The following TMPRSS11A variants were observed in gnomAD, a reference collection of about 807,000 sequenced individuals.
TMPRSS11A encodes the protein transmembrane protease serine 11A.
A neutral mutation model predicts 58.9 loss-of-function variants in TMPRSS11A; 53 were observed. The observed-to-expected ratio is 0.90, with a 90% CI of 0.72 to 1.13. The LOEUF (loss-of-function observed/expected upper bound fraction) is 1.13. Ranked by LOEUF, TMPRSS11A falls within the 50% of genes most tolerant of loss-of-function variation. The pLI, the probability that TMPRSS11A is intolerant of heterozygous loss-of-function variation, is 0.00. For synonymous variants in TMPRSS11A, 167 were observed against 169.8 expected, an observed-to-expected ratio of 0.98 and a Z score of 0.13; for missense variants, 493 against 499.3, an observed-to-expected ratio of 0.99 and a Z score of 0.12.
chr4:67,928,454 G>C (rs571206686), intron 5 of TMPRSS11A, among the ~76,000 whole-genome samples: 1 of 152,300 alleles, frequency 6.6e-6, no homozygotes, highest in East Asian at 1.9e-4. Context: ...AAAACAAAAA[G>C]ACCAGGCAGC....
chr4:67,944,289 G>T (rs889767741), intron 3 of TMPRSS11A, among the ~76,000 whole-genome samples: 1 of 151,976 alleles, frequency 6.6e-6, no homozygotes, highest in Non-Finnish European at 1.5e-5. Context: ...AGAAAGAGAG[G>T]CTTATTAGAA....
chr4:67,946,399 G>T, intron 2 of TMPRSS11A, 51 bp downstream of exon 2: 5 of 1,538,278 alleles, frequency 3.3e-6, no homozygotes, highest in Non-Finnish European at 4.4e-6. Flanking sequence ...TGTAAATGGA[G>T]CTTTGCAGAA....
rs751149459 is a variant in TMPRSS11A, at chr4:67,919,218, T to C, written c.707A>G (p.His236Arg). Reference protein sequence around the residue: ...AHCFQKYKNPHQWTVSFGTKI... With the variant: ...AHCFQKYKNPRQWTVSFGTKI... The stretch of plus-strand genomic sequence containing the variant: ...TGTTCCAAAACTAACAGTCCATTGA[T>C]GTGGATTTTTATACCTGGAAAAGGT... Residue 236 changes from histidine to arginine, a missense_variant, in exon 8 of 10, where the codon CAT becomes CGT. Physicochemically the swap from His to Arg is conservative, Grantham distance 29. Coordinates refer to ENST00000508048, the MANE Select transcript of TMPRSS11A (RefSeq NM_001114387.2). 2 of 1,613,784 alleles carry C rather than the reference T, an allele frequency of 1.2e-6. No homozygotes were observed. Among genetic ancestry groups the C allele is most frequent in the East Asian group, 2.2e-5 (1 of 44,892 alleles).
At chr4:67,945,458 G>A (rs1720980188) in intron 2 of TMPRSS11A, among the ~76,000 whole-genome samples, 1 of 152,190 alleles carries the variant, frequency 6.6e-6, no homozygotes, top group Admixed American at 6.5e-5. Context: ...TCTGGACCTT[G>A]TAATACATTT....
At chr4:67,946,983 T>A (rs767787794) in intron 1 of TMPRSS11A, among the ~76,000 whole-genome samples, 54 of 152,188 alleles carry the variant, frequency 3.5e-4, no homozygotes, top group Non-Finnish European at 7.2e-4. Context: ...TCTTTTATTT[T>A]TAAGTATTAT....
At chr4:67,946,418 T>C in intron 2 of TMPRSS11A, 32 bp downstream of exon 2, 1 of 1,555,954 alleles carries the variant, frequency 6.4e-7, no homozygotes, top group Non-Finnish European at 8.6e-7. Context: ...AAAAATAAAA[T>C]CAAATAGAGT....
At chr4:67,933,020 C>G (rs1224976993) in intron 3 of TMPRSS11A, among the ~76,000 whole-genome samples, 1 of 151,784 alleles carries the variant, frequency 6.6e-6, no homozygotes, top group Non-Finnish European at 1.5e-5. Context: ...TACTACAGTT[C>G]ATGTTGGACA....
At chr4:67,947,637 A>T (rs558885600) in intron 1 of TMPRSS11A, among the ~76,000 whole-genome samples, 2 of 152,322 alleles carry the variant, frequency 1.3e-5, no homozygotes, top group East Asian at 3.9e-4. Context: ...TTTATATTGC[A>T]TCACACCAGG....
rs1446914649 is a variant in TMPRSS11A, at chr4:67,922,879, C to T, written c.568G>A (p.Gly190Arg). Residue 190 changes from glycine to arginine, a missense_variant, in exon 7 of 10, where the codon GGA (glycine) becomes AGA (arginine). Coordinates refer to ENST00000508048, the MANE Select transcript of TMPRSS11A (RefSeq NM_001114387.2). ...CAGGCCGCCTTGGGTGCAATGACTC[C>T]AGATGCTATTCTGTTGACGTTTAAT... is the stretch of plus-strand genomic sequence containing the variant. ...VPLNVNRIAS[G>R]VIAPKAAWPW... 2 of 1,613,994 alleles carry T rather than the reference C, an allele frequency of 1.2e-6. No individual in the cohort carries two copies. Among genetic ancestry groups the T allele is most frequent in the African/African-American group, 2.7e-5 (2 of 74,892 alleles).
chr4:67,919,519 T>A (rs1321291237), intron 7 of TMPRSS11A, among the ~76,000 whole-genome samples: 5 of 152,188 alleles, frequency 3.3e-5, no homozygotes, highest in Non-Finnish European at 5.9e-5. Flanking sequence ...TTACTGAGCA[T>A]CTGTGTGCTG....
chr4:67,925,491 C>A (rs1043324858), intron 5 of TMPRSS11A, among the ~76,000 whole-genome samples: 1 of 152,186 alleles, frequency 6.6e-6, no homozygotes, highest in Non-Finnish European at 1.5e-5. Flanking sequence ...ATTCTACTAA[C>A]TTTCTACAAA....
chr4:67,937,406 C>T (rs1416610899), intron 3 of TMPRSS11A, among the ~76,000 whole-genome samples: 2 of 152,146 alleles, frequency 1.3e-5, no homozygotes, highest in Non-Finnish European at 2.9e-5. Context: ...CCTAATGTAT[C>T]TGTCAAGAAA....
At chr4:67,950,936 C>A (rs1259271257) in intron 1 of TMPRSS11A, among the ~76,000 whole-genome samples, 1 of 152,198 alleles carries the variant, frequency 6.6e-6, no homozygotes, top group Non-Finnish European at 1.5e-5. Context: ...CAAGAAAGAG[C>A]CCCTGGTGAG....
chr4:67,915,255 A>G (rs1184639332), intron 8 of TMPRSS11A, among the ~76,000 whole-genome samples: 1 of 152,182 alleles, frequency 6.6e-6, no homozygotes, highest in Non-Finnish European at 1.5e-5. Context: ...CTTCCAATGT[A>G]TTACAAGTTG....
At position 67,930,829 on chromosome 4, in the gene TMPRSS11A, T is replaced by TTTTTTTTTTTTTTTTTTAAA. The variant is rs1265700805; in HGVS notation, c.321-790_321-789insTTTAAAAAAAAAAAAAAAAA. ...TCTCCTTTTTTTTTTTTTTTTTTTT[T>TTTTTTTTTTTTTTTTTTAAA]ACAAAAAAAAAAAAAACTGTGAAAA... is the stretch of plus-strand genomic sequence containing the variant. On this transcript the variant is annotated intron_variant, in intron 4 of 9. Transcript: ENST00000508048. Among the ~76,000 whole-genome samples, 2 of 90,158 alleles carry TTTTTTTTTTTTTTTTTTAAA rather than the reference T, an allele frequency of 2.2e-5. 1 individual carries two copies. The highest frequency in any genetic ancestry group is 9.4e-5 in the African/African-American group (2 of 21,284). The allele number at this position is 90,158 out of a possible 152,430, so 59.1% of individuals were successfully genotyped here. A position where few individuals can be genotyped will look rare whatever the true frequency, so the allele number is the denominator to read the frequency against.
Position 67,961,546 on chromosome 4 carries a change from C to G in TMPRSS11A, c.11+1837G>C, listed in dbSNP as rs547514835. Among the ~76,000 whole-genome samples, 116 of 34,664 alleles carry G rather than the reference C, an allele frequency of 3.3e-3. 1 individual carries two copies. The highest frequency in any genetic ancestry group is 0.018 in the African/African-American group (108 of 5,926). 22.7% of individuals were successfully genotyped at this position (34,664 alleles called of 152,430 possible). A position where few individuals can be genotyped will look rare whatever the true frequency, so the allele number is the denominator to read the frequency against. ...TTTTTTTTTGAGACAGAGTCTTGTT[C>G]TGTTGCCCAGGCTGAAGTGTAGTGG... On this transcript the variant is annotated intron_variant, in intron 1 of 9. Coordinates refer to ENST00000508048, the MANE Select transcript of TMPRSS11A (RefSeq NM_001114387.2).
rs373962306 is a variant in TMPRSS11A at position 67,914,643 on chromosome 4, A to G, written c.1040T>C (p.Ile347Thr). ...CKQPQVYGND[I>T]KPGMFCAGYM... ...TCCGGCACAGAACATTCCAGGTTTT[A>G]TATCATTGCCATACACCTGTGGTTG... The change falls in exon 9 of 10, where the codon ATA becomes ACA. Residue 347 changes from isoleucine (I) to threonine (T), a missense_variant. Coordinates refer to ENST00000508048, the MANE Select transcript of TMPRSS11A (RefSeq NM_001114387.2). 8.7e-6 allele frequency: 14 copies of G among 1,613,610 alleles called. No homozygotes were observed. Among genetic ancestry groups the G allele is most frequent in the Non-Finnish European group, 1.2e-5 (14 of 1,179,732 alleles).
At chr4:67,922,674 G>T in intron 7 of TMPRSS11A, 81 bp downstream of exon 7, 1 of 1,321,780 alleles carries the variant, frequency 7.6e-7, no homozygotes, top group Non-Finnish European at 1.0e-6. Flanking sequence ...TAATATTTGA[G>T]ACATTAATTG....
chr4:67,927,469 G>T (rs947478962), intron 5 of TMPRSS11A, among the ~76,000 whole-genome samples: 2 of 152,242 alleles, frequency 1.3e-5, no homozygotes, highest in African/African-American at 2.4e-5. Context: ...CCGTCATGCT[G>T]CAGCCAGTGT....
Sources: allele counts gnomAD v4.1 joint callset (sites outside exome capture counted in the v4.1 genomes callset), GRCh38; gene constraint gnomAD v4.1.1; transcripts MANE v1.5; gene names NCBI Gene and HGNC (gene_info 2026-07-23, HGNC 2026-07-21).